Variants in PLS3 observed in about 807,000 individuals in gnomAD.
PLS3 encodes plastin-3.
In PLS3, 11 loss-of-function variants were observed where a neutral mutation model predicts 46.5. That is an observed-to-expected ratio of 0.24 (90% CI 0.15 to 0.39). PLS3 has a LOEUF of 0.39. PLS3 is among the 10% of genes least tolerant of loss of function. The probability of loss-of-function intolerance (pLI) is 1.00; values close to 1 mark genes in which losing one functional copy is unlikely to be tolerated. For missense variants in PLS3, 308 were observed against 461.8 expected, an observed-to-expected ratio of 0.67 and a Z score of 3.05; for synonymous variants, 167 against 162.2, an observed-to-expected ratio of 1.03 and a Z score of -0.22.
intron 2 of PLS3, 30 bp downstream of exon 2, chrX:115,610,353 G>A (rs1569527808): frequency 2.5e-6 from 2 of 790,371 alleles, no homozygotes; most frequent in East Asian, 3.3e-5. Flanking sequence ...AAACTATAGG[G>A]AAGCAATATT....
At chrX:115,590,952 C>T (rs2074340935) in intron 1 of PLS3, among the ~76,000 whole-genome samples, 1 of 110,784 alleles carries the variant, frequency 9.0e-6, no homozygotes, top group Non-Finnish European at 1.9e-5. Context: ...TCCTGGTTAA[C>T]ACGGTGAAAT....
chrX:115,606,783 CAG>C (rs1354658272), intron 1 of PLS3, among the ~76,000 whole-genome samples: 1 of 111,248 alleles, frequency 9.0e-6, no homozygotes, highest in Non-Finnish European at 1.9e-5. Flanking sequence ...ATTAGTGAAA[CAG>C]AATATTTTTA....
intron 1 of PLS3, among the ~76,000 whole-genome samples, chrX:115,601,574 T>C (rs1556634604): frequency 9.1e-6 from 1 of 109,870 alleles, no homozygotes; most frequent in Non-Finnish European, 1.9e-5. Context: ...ACGACACATG[T>C]ATACATATGT....
Position 115,636,911 on chromosome X carries a change from G to C in PLS3, c.824G>C (p.Arg275Thr). The C allele has an allele frequency of 1.7e-6, 2 of 1,208,413 alleles. No homozygotes were observed. The highest frequency in any genetic ancestry group is 2.2e-6 in the Non-Finnish European group (2 of 893,351). Residue 275 changes from arginine (R) to threonine (T), a missense_variant, in exon 8 of 16, where the codon AGA (arginine) becomes ACA (threonine). This residue lies in a region of PLS3 where 271 missense variants were observed against 435.7 expected (regional missense o/e 0.62). Transcript: ENST00000355899. ...TTGTCTCCAGAAGAGCTTCTGCTTA[G>C]ATGGGCAAACTTTCATTTGGAAAAC... The part of the protein sequence containing the change: ...MKLSPEELLL[R>T]WANFHLENSG...
At chrX:115,610,768 TTTTTA>T (rs1318387044) in intron 2 of PLS3, 1 of 625,239 alleles carries the variant, frequency 1.6e-6, no homozygotes, top group African/African-American at 2.3e-5. Flanking sequence ...GTTATTGACT[TTTTTA>T]TGGGTTTTCT....
chrX:115,611,375 C>T (rs1467793161), intron 2 of PLS3, among the ~76,000 whole-genome samples: 1 of 112,412 alleles, frequency 8.9e-6, no homozygotes, highest in Non-Finnish European at 1.9e-5. Flanking sequence ...ATAAAAATAG[C>T]AGTTAATTAC....
At chrX:115,625,323 G>A (rs1450417701) in intron 3 of PLS3, among the ~76,000 whole-genome samples, 1 of 109,371 alleles carries the variant, frequency 9.1e-6, no homozygotes, top group African/African-American at 3.3e-5. Context: ...GTGTGTGCGC[G>A]CGTGTGTGTG....
rs1021405569 is a variant in PLS3 at position 115,629,236 on chromosome X, C to T, written c.276C>T (p.Thr92=). 4 of 1,196,212 alleles carry T rather than the reference C, an allele frequency of 3.3e-6. No individual in the cohort carries two copies. In the South Asian group the frequency reaches 7.1e-5, roughly 21 times the overall value. ...TAAAAAGTAGTGATATTGCCAAGAC[C>T]TTCCGCAAAGCAATCAACAGGAAAG... The part of the protein sequence containing the change: ...QEVKSSDIAK[T]FRKAINRKEG... The change falls in exon 4 of 16, where the codon ACC becomes ACT. Residue 92 remains threonine (T), a synonymous_variant. Transcript: ENST00000355899.
chrX:115,624,227 CAAAAAAAAAAAA>C (rs1211607990), intron 3 of PLS3: 6 of 12,634 alleles, frequency 4.7e-4, no homozygotes, highest in Non-Finnish European at 7.2e-4. Flanking sequence ...GACTCCGTCT[CAAAAAAAAAAAA>C]AAAAAAAAAA....
chrX:115,629,802 G>T, intron 4 of PLS3, 33 bp from the exon 5 acceptor site: 1 of 933,255 alleles, frequency 1.1e-6, no homozygotes, highest in South Asian at 2.2e-5. Flanking sequence ...GTTAGAGTAT[G>T]AACTAATGTC....
intron 1 of PLS3, among the ~76,000 whole-genome samples, chrX:115,571,240 C>T (rs1278927510): frequency 2.7e-5 from 3 of 111,273 alleles, no homozygotes; most frequent in Non-Finnish European, 5.7e-5. Flanking sequence ...AGCCAAGACC[C>T]GTCACAGTGG....
intron 1 of PLS3, among the ~76,000 whole-genome samples, chrX:115,567,824 C>G (rs187695056): frequency 2.9e-5 from 3 of 104,832 alleles, no homozygotes; most frequent in South Asian, 4.3e-4. Context: ...CATACACACA[C>G]GAGTATATAT....
intron 1 of PLS3, among the ~76,000 whole-genome samples, chrX:115,589,842 G>A (rs781833532): frequency 1.4e-3 from 152 of 111,921 alleles, no homozygotes; most frequent in African/African-American, 4.6e-3. Context: ...GTGTCCACAA[G>A]TGCATGTGTG....
intron 5 of PLS3, among the ~76,000 whole-genome samples, chrX:115,630,584 A>T (rs1219055835): frequency 2.8e-5 from 3 of 106,884 alleles, no homozygotes; most frequent in Non-Finnish European, 5.7e-5. Context: ...CCACATTATT[A>T]TACTTATCTC....
chrX:115,590,954 C>T lies in PLS3; in HGVS notation c.-8-19289C>T, dbSNP rs1316104517. ...GAGATCGAGACCATCCTGGTTAACA[C>T]GGTGAAATCCCGTCTCTACTAAAAA... On this transcript the variant is annotated intron_variant, in intron 1 of 15. Transcript: ENST00000355899. Among the ~76,000 whole-genome samples the T allele has an allele frequency of 4.5e-5, 5 of 110,220 alleles. 1 individual carries two copies. The highest frequency in any genetic ancestry group is 9.5e-5 in the Non-Finnish European group (5 of 52,681).
intron 3 of PLS3, 149 bp from the exon 4 acceptor site, chrX:115,629,049 C>T: frequency 4.6e-6 from 2 of 430,636 alleles, no homozygotes; most frequent in East Asian, 3.9e-5. Context: ...ACTTGTTTAG[C>T]ATTTCAAAAA....
rs782378298 is a variant in PLS3 at position 115,595,145 on chromosome X, A to AG, written c.-8-15097dup. The stretch of plus-strand genomic sequence containing the variant: ...ATTGAATATTTCTATTATTGGAAAA[A>AG]GCTACGTATTAATTTATTTTTAAAT... On this transcript the variant is annotated intron_variant, in intron 1 of 15. Coordinates refer to ENST00000355899, the MANE Select transcript of PLS3 (RefSeq NM_005032.7). Among the ~76,000 whole-genome samples, 343 of 111,976 alleles carry AG rather than the reference A, an allele frequency of 3.1e-3. 1 individual carries two copies. The highest frequency in any genetic ancestry group is 0.01 in the African/African-American group (322 of 30,858).
chrX:115,645,753 C>G (rs4991873), intron 11 of PLS3, among the ~76,000 whole-genome samples: 1 of 110,886 alleles, frequency 9.0e-6, no homozygotes, highest in Non-Finnish European at 1.9e-5. Context: ...GTCAACAAAC[C>G]AATACCCCCC....
At chrX:115,614,523 C>A (rs994161004) in intron 2 of PLS3, 2 of 750,760 alleles carry the variant, frequency 2.7e-6, no homozygotes, top group Admixed American at 8.8e-5. Context: ...CTGCAGTGAG[C>A]TACCTCAAAA....
Sources: gnomAD v4.1 joint callset for allele counts (sites outside exome capture counted in the v4.1 genomes callset) on GRCh38, gnomAD v4.1.1 for gene constraint, gnomAD v4.1.1 regional missense constraint, MANE v1.5 for transcripts, NCBI Gene and HGNC (gene_info 2026-07-23, HGNC 2026-07-21) for gene names.